CMKLR2: variants seen among roughly 807,000 people sequenced by gnomAD.
The protein encoded by CMKLR2 is chemerin chemokine-like receptor 2.
Under a neutral mutation model 23.0 loss-of-function variants are expected in CMKLR2, and 18 were observed. The observed-to-expected ratio is 0.78, with a 90% CI of 0.54 to 1.16. The LOEUF (loss-of-function observed/expected upper bound fraction) is 1.16. Among genes scored for constraint, CMKLR2 ranks in the 50% most tolerant of loss-of-function variants. The probability of loss-of-function intolerance (pLI) is 0.00; values close to 1 mark genes in which losing one functional copy is unlikely to be tolerated. For missense variants in CMKLR2, 401 were observed against 412.7 expected (o/e 0.97, Z 0.25); for synonymous variants, 158 against 158.9 (o/e 0.99, Z 0.05).
intron 1 of CMKLR2, among the ~76,000 whole-genome samples, chr2:206,190,702 C>A (rs1341298400): frequency 6.6e-6 from 1 of 152,016 alleles, no homozygotes; most frequent in Non-Finnish European, 1.5e-5. Flanking sequence ...TTAAAGGCAG[C>A]GAGATTGGGA....
intron 1 of CMKLR2, among the ~76,000 whole-genome samples, chr2:206,202,595 G>C (rs1344601528): frequency 6.6e-6 from 1 of 152,094 alleles, no homozygotes; most frequent in Non-Finnish European, 1.5e-5. Flanking sequence ...TGAGTAGCTG[G>C]GGCTGCAGGC....
chr2:206,202,810 G>A (rs1689148567), intron 1 of CMKLR2, among the ~76,000 whole-genome samples: 1 of 152,018 alleles, frequency 6.6e-6, no homozygotes, highest in Non-Finnish European at 1.5e-5. Context: ...CTCGGTACAC[G>A]TGGCACTGTG....
In CMKLR2 at chr2:206,206,146, G is replaced by C. The variant is rs529110403; in HGVS notation, c.-29+7161C>G. On this transcript the variant is annotated intron_variant, in intron 1 of 1. Transcript: ENST00000621141. ...CTGTGAAATACCATTCCAGAACAAG[G>C]AGTCTCTCCCAGACAAGAAAGAAAC... is the stretch of plus-strand genomic sequence containing the variant. Among the ~76,000 whole-genome samples the C allele has an allele frequency of 1.7e-4, 26 of 152,226 alleles. No individual in the cohort carries two copies. The Middle Eastern group carries it at 0.014, about 80-fold the overall frequency.
intron 1 of CMKLR2, among the ~76,000 whole-genome samples, chr2:206,195,343 G>T (rs1230661638): frequency 6.6e-6 from 1 of 152,188 alleles, no homozygotes; most frequent in Non-Finnish European, 1.5e-5. Flanking sequence ...GGCAGAAAAT[G>T]TTGGCATAAT....
At chr2:206,177,975 G>A (rs183755225) in intron 1 of CMKLR2, among the ~76,000 whole-genome samples, 21 of 152,270 alleles carry the variant, frequency 1.4e-4, no homozygotes, top group African/African-American at 4.8e-4. Flanking sequence ...CAGAGTGATA[G>A]CTTCAAAATC....
rs143724527 is a variant in CMKLR2 at position 206,177,045 on chromosome 2, T to C, written c.203A>G (p.Lys68Arg). The change falls in exon 2 of 2, where the codon AAG becomes AGG. Residue 68 changes from lysine (K) to arginine (R), a missense_variant. By Grantham distance (26) the Lys-to-Arg change is conservative (BLOSUM62 2). Coordinates refer to ENST00000621141, the MANE Select transcript of CMKLR2 (RefSeq NM_001389445.1). ...GAACCACAGAGTGGTGACTGTCTTC[T>C]TCCACTTGAACCCCGTGAACCAAAT... The part of the protein sequence containing the change: ...IVIWFTGFKW[K>R]KTVTTLWFLN... The C allele has an allele frequency of 5.7e-4, 914 of 1,614,062 alleles. 1 individual carries two copies. The highest frequency in any genetic ancestry group is 7.3e-4 in the Non-Finnish European group (865 of 1,180,044).
In CMKLR2 at chr2:206,191,801, T is replaced by G. The variant is rs1363185892; in HGVS notation, c.-28-14526A>C. On this transcript the variant is annotated intron_variant, in intron 1 of 1. Transcript: ENST00000621141. ...CTCTACCTCAGCCACCCGCAGCAGC[T>G]GGGACCACAGAGGCATGTGCCACCA... 2.0e-5 allele frequency among the ~76,000 whole-genome samples: 3 copies of G among 151,008 alleles called. No homozygotes were observed. In the East Asian group the frequency reaches 5.8e-4, roughly 29 times the overall value.
At chr2:206,205,263 T>C (rs1039424675) in intron 1 of CMKLR2, among the ~76,000 whole-genome samples, 1 of 152,258 alleles carries the variant, frequency 6.6e-6, no homozygotes, top group African/African-American at 2.4e-5. Context: ...GATGTGTGCA[T>C]ATTCTTGTAA....
chr2:206,197,739 G>T (rs1688965429), intron 1 of CMKLR2, among the ~76,000 whole-genome samples: 1 of 151,914 alleles, frequency 6.6e-6, no homozygotes, highest in African/African-American at 2.4e-5. Flanking sequence ...ATGTTGCCCA[G>T]GCTGGTCTAG....
chr2:206,207,641 T>C (rs2105838650), intron 1 of CMKLR2, among the ~76,000 whole-genome samples: 1 of 150,772 alleles, frequency 6.6e-6, no homozygotes, highest in Non-Finnish European at 1.5e-5. Context: ...GGTACTGTTA[T>C]TATTCCTACA....
At chr2:206,198,849 C>T (rs1689000542) in intron 1 of CMKLR2, among the ~76,000 whole-genome samples, 1 of 152,110 alleles carries the variant, frequency 6.6e-6, no homozygotes, top group Admixed American at 6.6e-5. Flanking sequence ...AATCATCCTG[C>T]CTTTGGGGAT....
At chr2:206,206,171 C>CCAT (rs1278524197) in intron 1 of CMKLR2, among the ~76,000 whole-genome samples, 1 of 152,168 alleles carries the variant, frequency 6.6e-6, no homozygotes, top group Non-Finnish European at 1.5e-5. Context: ...AAGAAAGAAA[C>CCAT]CATTTCATTT....
chr2:206,211,952 C>T (rs1473434007), intron 1 of CMKLR2, among the ~76,000 whole-genome samples: 1 of 150,696 alleles, frequency 6.6e-6, no homozygotes, highest in Non-Finnish European at 1.5e-5. Context: ...CCCATATCTA[C>T]ATACATAAAA....
At chr2:206,179,963 T>C (rs913659030) in intron 1 of CMKLR2, among the ~76,000 whole-genome samples, 9 of 152,186 alleles carry the variant, frequency 5.9e-5, no homozygotes, top group African/African-American at 2.2e-4. Flanking sequence ...TAAAACCTTC[T>C]GAGAAATCCG....
intron 1 of CMKLR2, among the ~76,000 whole-genome samples, chr2:206,180,986 G>T (rs534156915): frequency 6.6e-6 from 1 of 151,200 alleles, no homozygotes; most frequent in African/African-American, 2.4e-5. Context: ...AACTCCTGAC[G>T]TCAGGTGATC....
At position 206,177,214 on chromosome 2, in the gene CMKLR2, A is replaced by T; in HGVS notation, c.34T>A (p.Phe12Ile). 2 of 1,607,206 alleles carry T rather than the reference A, an allele frequency of 1.2e-6. No individual in the cohort carries two copies. The highest frequency in any genetic ancestry group is 1.7e-6 in the Non-Finnish European group (2 of 1,177,048). ...TCTAGGTCATAGGAATAGTTTTCAA[A>T]TTCTTCAAATAATGTTTCCTCCAAA... ...EDLEETLFEE[F>I]ENYSYDLDYY... The change falls in exon 2 of 2, where the codon TTT becomes ATT. Residue 12 changes from phenylalanine to isoleucine, a missense_variant. Coordinates refer to ENST00000621141, the MANE Select transcript of CMKLR2 (RefSeq NM_001389445.1).
At chr2:206,181,620 T>C (rs13029813) in intron 1 of CMKLR2, among the ~76,000 whole-genome samples, 60,479 of 152,006 alleles carry the variant, frequency 0.4, 12,606 homozygotes, top group African/African-American at 0.53. Flanking sequence ...ATACGTATTC[T>C]TGCAATAAAG....
upstream of CMKLR2, among the ~76,000 whole-genome samples, chr2:206,216,566 G>T (rs1371548724): frequency 2.6e-5 from 4 of 152,176 alleles, no homozygotes; most frequent in African/African-American, 7.2e-5. Flanking sequence ...ACAGGTATGG[G>T]CCACCATGCC....
chr2:206,203,039 G>A (rs1336842720), intron 1 of CMKLR2, among the ~76,000 whole-genome samples: 3 of 151,800 alleles, frequency 2.0e-5, no homozygotes, highest in Non-Finnish European at 1.5e-5. Context: ...AGCCCAGGCC[G>A]GGCACGGTGG....
Sources: gnomAD v4.1 joint callset for allele counts (sites outside exome capture counted in the v4.1 genomes callset) on GRCh38, gnomAD v4.1.1 for gene constraint, MANE v1.5 for transcripts, NCBI Gene and HGNC (gene_info 2026-07-23, HGNC 2026-07-21) for gene names.